MPHOSPH9: variants seen among roughly 807,000 people sequenced by gnomAD.
The protein encoded by MPHOSPH9 is M-phase phosphoprotein 9.
In MPHOSPH9, 88 loss-of-function variants were observed where a neutral mutation model predicts 145.5. The observed-to-expected ratio is 0.60, with a 90% confidence interval of 0.51 to 0.72. The LOEUF (loss-of-function observed/expected upper bound fraction) is 0.72. Ranked by LOEUF, MPHOSPH9 falls within the 30% of genes least tolerant of loss-of-function variation. The probability of loss-of-function intolerance (pLI) is 0.00; values close to 1 mark genes in which losing one functional copy is unlikely to be tolerated. For synonymous variants in MPHOSPH9, 435 were observed against 486.2 expected (o/e 0.89, Z 1.39); for missense variants, 1,238 against 1,386.6 (o/e 0.89, Z 1.70).
intron 13 of MPHOSPH9, among the ~76,000 whole-genome samples, chr12:123,186,023 G>A (rs1392159964): frequency 6.6e-6 from 1 of 151,908 alleles, no homozygotes; most frequent in Admixed American, 6.6e-5. Flanking sequence ...TCAGGAGTTC[G>A]AGACCAGCCT....
At chr12:123,220,503 T>C (rs753227483) in intron 5 of MPHOSPH9, among the ~76,000 whole-genome samples, 3 of 151,728 alleles carry the variant, frequency 2.0e-5, no homozygotes, top group Non-Finnish European at 4.4e-5. Flanking sequence ...AGGCAAAGGT[T>C]GCAGTGAGCT....
chr12:123,173,570 T>C (rs1165016509), intron 16 of MPHOSPH9, among the ~76,000 whole-genome samples: 1 of 151,266 alleles, frequency 6.6e-6, no homozygotes. Flanking sequence ...GATCACATCC[T>C]TTCTGTCCAA....
rs2044071329 is a variant in MPHOSPH9, at chr12:123,160,781, C to T, written c.3450G>A (p.Gln1150=). The T allele has an allele frequency of 1.2e-6, 2 of 1,613,550 alleles. No homozygotes were observed. Among genetic ancestry groups the T allele is most frequent in the Non-Finnish European group, 1.7e-6 (2 of 1,179,790 alleles). ...GCAGATTCAAGCTAAGACATTTCAC[C>T]TGATTTAATCTTGTCTGTAAAGTGA... ...GRITLQTRLN[Q]EALEDRLERI... is the part of the protein sequence containing the mutation. The change falls in exon 23 of 24, where the codon CAG becomes CAA. Residue 1150 remains glutamine, a splice_region_variant and synonymous_variant. Coordinates refer to ENST00000606320, the MANE Select transcript of MPHOSPH9 (RefSeq NM_022782.4).
chr12:123,197,332 C>A (rs564647958), intron 12 of MPHOSPH9, among the ~76,000 whole-genome samples: 3 of 151,932 alleles, frequency 2.0e-5, no homozygotes, highest in African/African-American at 7.2e-5. Context: ...CAGCTGTGCA[C>A]CACCATGCCC....
chr12:123,178,902 C>T (rs2044999038), intron 15 of MPHOSPH9, among the ~76,000 whole-genome samples: 2 of 152,170 alleles, frequency 1.3e-5, no homozygotes, highest in South Asian at 4.1e-4. Flanking sequence ...CAAATCAGAT[C>T]ATTAATACAG....
intron 5 of MPHOSPH9, among the ~76,000 whole-genome samples, chr12:123,220,815 G>A (rs1261865021): frequency 6.6e-6 from 1 of 152,112 alleles, no homozygotes; most frequent in African/African-American, 2.4e-5. Flanking sequence ...CAGCACTTTG[G>A]GAGGCAGAGG....
At chr12:123,183,584 AG>A (rs1196012769) in intron 13 of MPHOSPH9, among the ~76,000 whole-genome samples, 3 of 151,736 alleles carry the variant, frequency 2.0e-5, no homozygotes, top group Non-Finnish European at 2.9e-5. Context: ...AAAGGAAAAA[AG>A]TGCCTTAGCA....
At chr12:123,187,792 G>A (rs1261832409) in intron 13 of MPHOSPH9, among the ~76,000 whole-genome samples, 3 of 152,114 alleles carry the variant, frequency 2.0e-5, no homozygotes, top group African/African-American at 7.2e-5. Context: ...GAGGCAGGGA[G>A]GATCAAGTTC....
chr12:123,173,808 T>C (rs538653933), intron 16 of MPHOSPH9, among the ~76,000 whole-genome samples: 2 of 152,364 alleles, frequency 1.3e-5, no homozygotes, highest in South Asian at 4.1e-4. Context: ...TTGTATCCTT[T>C]AAAATATCAT....
intron 20 of MPHOSPH9, 129 bp downstream of exon 20, chr12:123,162,885 T>G: frequency 1.1e-6 from 1 of 870,414 alleles, no homozygotes; most frequent in Non-Finnish European, 1.6e-6. Flanking sequence ...CATTCACTTA[T>G]GATTTAAATG....
Position 123,161,234 on chromosome 12 carries a change from C to T in MPHOSPH9, c.3283G>A (p.Val1095Ile). Residue 1095 changes from valine to isoleucine, a missense_variant, in exon 22 of 24, where the codon GTC becomes ATC. By Grantham distance (29) the Val-to-Ile change is conservative. Around this residue, in one of 3 missense-constraint regions of MPHOSPH9, gnomAD observed 393 missense variants for 462.5 expected, o/e 0.85. Coordinates refer to ENST00000606320, the MANE Select transcript of MPHOSPH9 (RefSeq NM_022782.4). ...VSYEQCKPVSVTPQGNDFEYT... is the reference protein window; with the variant it reads ...VSYEQCKPVSITPQGNDFEYT... ...TCAAAATCATTCCCCTGTGGAGTGA[C>T]TGAAACCGGCTTACACTGTTCGTAG... 6.2e-7 allele frequency: 1 copy of T among 1,614,144 alleles called. No individual in the cohort carries two copies. Among genetic ancestry groups the T allele is most frequent in the East Asian group, 2.2e-5 (1 of 44,878 alleles).
Position 123,202,226 on chromosome 12 carries a change from C to T in MPHOSPH9, c.1875G>A (p.Leu625=). The change falls in exon 11 of 24, where the codon CTG becomes CTA. Residue 625 remains leucine, a synonymous_variant. Transcript: ENST00000606320. ...CAACTCCAGAGATTTCTTTTGCCTC[C>T]AGCTTCTGTTTCAAACTATTTATTT... ...ESEINSLKQK[L]EAKEISGVED... The T allele has an allele frequency of 6.2e-7, 1 of 1,613,298 alleles. No homozygotes were observed. The highest frequency in any genetic ancestry group is 8.5e-7 in the Non-Finnish European group (1 of 1,179,784).
At chr12:123,169,375 T>G (rs1488551181) in intron 16 of MPHOSPH9, among the ~76,000 whole-genome samples, 1 of 151,324 alleles carries the variant, frequency 6.6e-6, no homozygotes, top group Non-Finnish European at 1.5e-5. Context: ...GACGGGCACC[T>G]GTAGTCCCAG....
intron 15 of MPHOSPH9, among the ~76,000 whole-genome samples, chr12:123,178,536 G>T (rs2044983416): frequency 6.6e-6 from 1 of 150,912 alleles, no homozygotes; most frequent in Non-Finnish European, 1.5e-5. Context: ...CATTTTTTTG[G>T]TGGGGAGGGG....
At chr12:123,187,595 A>C (rs1174073735) in intron 13 of MPHOSPH9, among the ~76,000 whole-genome samples, 1 of 152,220 alleles carries the variant, frequency 6.6e-6, no homozygotes, top group Non-Finnish European at 1.5e-5. Context: ...AATGGCACCA[A>C]AAATCAACAC....
intron 2 of MPHOSPH9, among the ~76,000 whole-genome samples, chr12:123,229,389 C>T (rs953157575): frequency 1.3e-5 from 2 of 151,966 alleles, no homozygotes; most frequent in African/African-American, 4.8e-5. Flanking sequence ...GTGTTAAGAC[C>T]ATTAAAAAAT....
intron 16 of MPHOSPH9, among the ~76,000 whole-genome samples, chr12:123,171,944 A>G (rs950821759): frequency 6.6e-6 from 1 of 152,176 alleles, no homozygotes; most frequent in African/African-American, 2.4e-5. Context: ...CCCTCCCAAA[A>G]GCAACCATTT....
intron 16 of MPHOSPH9, among the ~76,000 whole-genome samples, chr12:123,174,413 C>T (rs2044733461): frequency 6.8e-6 from 1 of 146,838 alleles, no homozygotes; most frequent in South Asian, 2.1e-4. Flanking sequence ...TGCTCAGTTG[C>T]CCAGGCTGGA....
chr12:123,203,235 T>G lies in MPHOSPH9; in HGVS notation c.1320+15A>C, dbSNP rs1281356873. On this transcript the variant is annotated intron_variant, in intron 9 of 23. Transcript: ENST00000606320. ...CATTGTTCACGTTCACTCGGCAGAA[T>G]GTGGACAACTTTACCTCTGGTGGAT... 3.1e-6 allele frequency: 5 copies of G among 1,610,722 alleles called. No homozygotes were observed. The highest frequency in any genetic ancestry group is 4.2e-6 in the Non-Finnish European group (5 of 1,179,214).
Sources: gnomAD v4.1 joint callset for allele counts (sites outside exome capture counted in the v4.1 genomes callset) on GRCh38, gnomAD v4.1.1 for gene constraint, gnomAD v4.1.1 regional missense constraint, MANE v1.5 for transcripts, NCBI Gene and HGNC (gene_info 2026-07-23, HGNC 2026-07-21) for gene names.